CDC20B: variants seen among roughly 807,000 people sequenced by gnomAD.
CDC20B encodes cell division cycle protein 20 homolog B.
CDC20B carries 58 observed loss-of-function variants against 64.1 expected under a neutral mutation model. That is an observed-to-expected ratio of 0.90 (90% confidence interval 0.73 to 1.13). CDC20B has a LOEUF of 1.13. Ranked by LOEUF, CDC20B falls within the 50% of genes most tolerant of loss-of-function variation. The pLI is 0.00. For missense variants in CDC20B, 597 were observed against 633.0 expected, an observed-to-expected ratio of 0.94 and a Z score of 0.61; for synonymous variants, 243 against 230.6, an observed-to-expected ratio of 1.05 and a Z score of -0.49.
Position 55,172,515 on chromosome 5 carries a change from A to G in CDC20B, c.126+73T>C, listed in dbSNP as rs182175369. 23 of 1,212,002 alleles carry G rather than the reference A, an allele frequency of 1.9e-5. No homozygotes were observed. The Admixed American group carries it at 2.6e-4, about 14-fold the overall frequency. 75.1% of individuals were successfully genotyped at this position (1,212,002 alleles called of 1,614,324 possible). On this transcript the variant is annotated intron_variant, in intron 2 of 11. Coordinates refer to ENST00000381375, the MANE Select transcript of CDC20B (RefSeq NM_001170402.1). ...AGACCAGCTCAAACTTCCTACAAAT[A>G]CATTATTTACCAAGAATTCGTTTGT...
intron 4 of CDC20B, among the ~76,000 whole-genome samples, chr5:55,141,445 G>A (rs1190694239): frequency 6.6e-6 from 1 of 152,330 alleles, no homozygotes; most frequent in East Asian, 1.9e-4. Context: ...TAGTGGCTTA[G>A]AGCCAAGTGA....
Position 55,119,856 on chromosome 5 carries a change from C to A in CDC20B, c.1404G>T (p.Lys468Asn), listed in dbSNP as rs376208327. The change falls in exon 11 of 12, where the codon AAG (lysine) becomes AAT (asparagine). Residue 468 changes from lysine (K) to asparagine (N), a missense_variant. Transcript: ENST00000381375. ...GACAGGTCCACACAGTCACATCATT[C>A]TTGGGAGTACCTTGACCAGTTGCAA... ...KEIATGQGTP[K>N]NDVTVWTCPT... is the part of the protein sequence containing the mutation. 16 of 1,614,088 alleles carry A rather than the reference C, an allele frequency of 9.9e-6. No individual in the cohort carries two copies. In the African/African-American group the frequency reaches 1.6e-4, roughly 16 times the overall value.
chr5:55,118,492 T>A lies in CDC20B; in HGVS notation c.1459+1309A>T, dbSNP rs147842515. On this transcript the variant is annotated intron_variant, in intron 11 of 11. Transcript: ENST00000381375. ...TACACCTGGTAAGTACATTCTTTAT[T>A]CTAAGCATCAGCAAATTGATTTGAA... 1.5e-3 allele frequency among the ~76,000 whole-genome samples: 227 copies of A among 152,306 alleles called. 1 individual carries two copies. Among genetic ancestry groups the A allele is most frequent in the Middle Eastern group, 0.014 (4 of 294 alleles).
At chr5:55,133,577 AT>A (rs747597329) in intron 5 of CDC20B, 49 bp from the exon 6 acceptor site, 1 of 789,458 alleles carries the variant, frequency 1.3e-6, no homozygotes, top group Non-Finnish European at 1.9e-6. Flanking sequence ...TGAAAATATA[AT>A]ATTTATTCTT....
chr5:55,127,229 T>C, intron 8 of CDC20B, 28 bp downstream of exon 8: 1 of 1,577,984 alleles, frequency 6.3e-7, no homozygotes, highest in South Asian at 1.1e-5. Flanking sequence ...AATACAAACA[T>C]AACTGTCTCC....
At chr5:55,155,795 C>G (rs1743791013) in intron 2 of CDC20B, among the ~76,000 whole-genome samples, 1 of 152,178 alleles carries the variant, frequency 6.6e-6, no homozygotes, top group Non-Finnish European at 1.5e-5. Context: ...CACTAAGACT[C>G]TTCGCCTATC....
intron 2 of CDC20B, among the ~76,000 whole-genome samples, chr5:55,171,745 G>A (rs1284939407): frequency 6.6e-6 from 1 of 152,132 alleles, no homozygotes; most frequent in African/African-American, 2.4e-5. Flanking sequence ...TGGGACTACA[G>A]GCACATGTCA....
intron 2 of CDC20B, among the ~76,000 whole-genome samples, chr5:55,158,120 G>A (rs1010219397): frequency 1.3e-5 from 2 of 152,272 alleles, no homozygotes; most frequent in African/African-American, 4.8e-5. Flanking sequence ...TATGTGTCAT[G>A]AGGAGATCCT....
At chr5:55,141,234 T>C (rs1743320726) in intron 4 of CDC20B, among the ~76,000 whole-genome samples, 1 of 152,214 alleles carries the variant, frequency 6.6e-6, no homozygotes, top group Non-Finnish European at 1.5e-5. Context: ...GCTTAATTGA[T>C]GACCCACACA....
intron 2 of CDC20B, among the ~76,000 whole-genome samples, chr5:55,147,606 T>A (rs1468143918): frequency 6.6e-6 from 1 of 150,944 alleles, no homozygotes; most frequent in Non-Finnish European, 1.5e-5. Context: ...ATGTGAAATA[T>A]ATTATTTTAT....
chr5:55,137,738 T>C (rs564668879), intron 5 of CDC20B: 8 of 452,498 alleles, frequency 1.8e-5, no homozygotes, highest in Admixed American at 2.4e-5. Context: ...GTACAGCAAA[T>C]GACTTTTTTA....
chr5:55,164,314 G>T, intron 2 of CDC20B: 1 of 907,876 alleles, frequency 1.1e-6, no homozygotes. Flanking sequence ...GTCTCACTCT[G>T]TCACCCAGGC....
chr5:55,157,052 T>C (rs1329827624), intron 2 of CDC20B, among the ~76,000 whole-genome samples: 1 of 152,162 alleles, frequency 6.6e-6, no homozygotes, highest in Non-Finnish European at 1.5e-5. Flanking sequence ...TTGAGTTGGT[T>C]GATAACTGAG....
At chr5:55,128,374 A>G (rs771517372) in intron 7 of CDC20B, 47 bp downstream of exon 7, 4 of 1,437,826 alleles carry the variant, frequency 2.8e-6, no homozygotes, top group Non-Finnish European at 3.8e-6. Flanking sequence ...ATTATAGTGT[A>G]ATAATACACA....
intron 2 of CDC20B, among the ~76,000 whole-genome samples, chr5:55,153,240 TAAA>T (rs1206577177): frequency 8.8e-4 from 77 of 87,618 alleles, no homozygotes; most frequent in African/African-American, 2.6e-3. Flanking sequence ...CCTTGTCTCA[TAAA>T]AAAAAAAAAA....
chr5:55,142,660 C>T (rs1280346289), intron 4 of CDC20B, among the ~76,000 whole-genome samples: 1 of 152,096 alleles, frequency 6.6e-6, no homozygotes, highest in Non-Finnish European at 1.5e-5. Flanking sequence ...AGTAGGACTC[C>T]CCGGCCATTC....
At chr5:55,130,255 G>C (rs1250943448) in intron 6 of CDC20B, among the ~76,000 whole-genome samples, 2 of 152,070 alleles carry the variant, frequency 1.3e-5, no homozygotes, top group East Asian at 3.8e-4. Flanking sequence ...AAATTCCTTG[G>C]ATACACTGAA....
intron 5 of CDC20B, chr5:55,135,985 C>T (rs918491104): frequency 3.3e-5 from 5 of 151,756 alleles, no homozygotes; most frequent in African/African-American, 1.2e-4. Flanking sequence ...ACTCTGTCAG[C>T]CAAGCTAGAG....
Position 55,148,535 on chromosome 5 carries a change from A to G in CDC20B, c.127-1679T>C, listed in dbSNP as rs147509306. 2.2e-3 allele frequency among the ~76,000 whole-genome samples: 331 copies of G among 152,220 alleles called. 3 individuals are homozygous for G. Among genetic ancestry groups the G allele is most frequent in the African/African-American group, 7.6e-3 (314 of 41,534 alleles). ...TCGGGACCAGCCTGGGCAACAAGAC[A>G]AAACCCTGTCTCTACAAAAAATACA... On this transcript the variant is annotated intron_variant, in intron 2 of 11. Transcript: ENST00000381375.
Sources: gnomAD v4.1 joint callset for allele counts (sites outside exome capture counted in the v4.1 genomes callset) on GRCh38, gnomAD v4.1.1 for gene constraint, MANE v1.5 for transcripts, NCBI Gene and HGNC (gene_info 2026-07-23, HGNC 2026-07-21) for gene names.